The following SHANK2 variants were observed in gnomAD, a reference collection of about 807,000 sequenced individuals.
The protein encoded by SHANK2 is SH3 and multiple ankyrin repeat domains protein 2.
Under a neutral mutation model 133.7 loss-of-function variants are expected in SHANK2, and 43 were observed. The observed-to-expected ratio is 0.32, with a 90% CI of 0.25 to 0.41. The LOEUF is 0.41. Among genes scored for constraint, SHANK2 ranks in the 10% least tolerant of loss-of-function variants. The probability of loss-of-function intolerance (pLI) is 1.00; values close to 1 mark genes in which losing one functional copy is unlikely to be tolerated. For missense variants in SHANK2, 1,994 were observed against 2,235.8 expected, an observed-to-expected ratio of 0.89 and a Z score of 2.18; for synonymous variants, 1,017 against 952.8, an observed-to-expected ratio of 1.07 and a Z score of -1.24.
intron 17 of SHANK2, among the ~76,000 whole-genome samples, chr11:70,564,372 A>T (rs1380861835): frequency 6.6e-6 from 1 of 151,084 alleles, no homozygotes; most frequent in Non-Finnish European, 1.5e-5. Flanking sequence ...GATTCTCCTG[A>T]CTCAGTCTCC....
At chr11:70,529,347 A>G (rs775335906) in intron 17 of SHANK2, among the ~76,000 whole-genome samples, 43 of 152,220 alleles carry the variant, frequency 2.8e-4, no homozygotes, top group Non-Finnish European at 5.9e-4. Context: ...TGACTTGGCC[A>G]AGGCCACACA....
chr11:71,159,267 C>T (rs12418322), intron 2 of SHANK2, among the ~76,000 whole-genome samples: 40,273 of 152,124 alleles, frequency 0.26, 5,842 homozygotes, highest in South Asian at 0.36. Flanking sequence ...TACTCTGACA[C>T]TCATGGCCCC....
chr11:70,788,325 T>C (rs1947714056), intron 14 of SHANK2, among the ~76,000 whole-genome samples: 1 of 152,196 alleles, frequency 6.6e-6, no homozygotes, highest in Non-Finnish European at 1.5e-5. Flanking sequence ...TGGTTTCACT[T>C]TCTGAGGTTT....
intron 25 of SHANK2, among the ~76,000 whole-genome samples, chr11:70,482,227 G>A (rs1414639469): frequency 2.0e-5 from 3 of 152,230 alleles, no homozygotes; most frequent in Non-Finnish European, 4.4e-5. Context: ...GGAGCAAGAA[G>A]GGAACAGACA....
chr11:70,612,131 G>A (rs949804013), intron 17 of SHANK2, among the ~76,000 whole-genome samples: 3 of 152,182 alleles, frequency 2.0e-5, no homozygotes, highest in Non-Finnish European at 4.4e-5. Context: ...TCCTGCCTGG[G>A]AACCAGGGGT....
At chr11:70,720,409 G>C (rs1555028723) in intron 14 of SHANK2, among the ~76,000 whole-genome samples, 4 of 152,244 alleles carry the variant, frequency 2.6e-5, no homozygotes, top group Non-Finnish European at 5.9e-5. Context: ...TGGGTGATGG[G>C]ACTGGAGGAA....
intron 15 of SHANK2, among the ~76,000 whole-genome samples, chr11:70,686,508 T>G (rs1945158638): frequency 6.6e-6 from 1 of 152,054 alleles, no homozygotes; most frequent in Non-Finnish European, 1.5e-5. Flanking sequence ...ATCATCTGTC[T>G]ATCCATCCAT....
At chr11:71,096,182 T>C (rs1444519728) in intron 6 of SHANK2, among the ~76,000 whole-genome samples, 2 of 152,254 alleles carry the variant, frequency 1.3e-5, no homozygotes, top group African/African-American at 2.4e-5. Flanking sequence ...CATGAATGAA[T>C]GCCATTGCAC....
At chr11:71,071,833 A>AT (rs1951147164) in intron 9 of SHANK2, among the ~76,000 whole-genome samples, 6 of 152,084 alleles carry the variant, frequency 3.9e-5, no homozygotes, top group Non-Finnish European at 2.9e-5. Flanking sequence ...AGCCAACAGG[A>AT]TGGGAGCACT....
At chr11:70,824,843 C>T (rs1450624595) in intron 11 of SHANK2, among the ~76,000 whole-genome samples, 17 of 152,316 alleles carry the variant, frequency 1.1e-4, no homozygotes, top group African/African-American at 3.6e-4. Flanking sequence ...TTGCAAAGGG[C>T]TGATGAGCCC....
chr11:71,074,149 C>G (rs1451706680), intron 9 of SHANK2, among the ~76,000 whole-genome samples: 4 of 152,182 alleles, frequency 2.6e-5, no homozygotes, highest in African/African-American at 9.7e-5. Context: ...ACTGAGGCAG[C>G]AGGTGAGGAT....
At chr11:70,609,744 T>C (rs926483448) in intron 17 of SHANK2, among the ~76,000 whole-genome samples, 7 of 150,646 alleles carry the variant, frequency 4.6e-5, no homozygotes, top group African/African-American at 9.7e-5. Flanking sequence ...ATGTACTATA[T>C]TGCATATTGT....
chr11:71,105,009 T>C (rs1338553632), intron 6 of SHANK2, among the ~76,000 whole-genome samples: 1 of 152,210 alleles, frequency 6.6e-6, no homozygotes, highest in Admixed American at 6.5e-5. Flanking sequence ...TAGTTTGATC[T>C]GTACAAAAAC....
chr11:70,816,145 ACTGT>A (rs1948391192), intron 12 of SHANK2, among the ~76,000 whole-genome samples: 1 of 152,216 alleles, frequency 6.6e-6, no homozygotes, highest in Non-Finnish European at 1.5e-5. Flanking sequence ...AGAACCGAAG[ACTGT>A]CTATGAGCAG....
At chr11:70,747,407 T>C (rs1231676245) in intron 14 of SHANK2, among the ~76,000 whole-genome samples, 1 of 152,156 alleles carries the variant, frequency 6.6e-6, no homozygotes, top group African/African-American at 2.4e-5. Flanking sequence ...TTTCATGGCC[T>C]GACATTCTCA....
At chr11:71,172,478 T>G (rs10751032) in intron 2 of SHANK2, among the ~76,000 whole-genome samples, 140,859 of 151,464 alleles carry the variant, frequency 0.93, 65,954 homozygotes, top group Non-Finnish European at 0.98. Context: ...GGCACCTGTT[T>G]TCCCACCTAC....
At chr11:70,827,636 G>C (rs61885480) in intron 11 of SHANK2, among the ~76,000 whole-genome samples, 13 of 134,784 alleles carry the variant, frequency 9.6e-5, no homozygotes, top group Non-Finnish European at 1.6e-4. Context: ...GTGTGTGTGT[G>C]TGTTTTTTTT....
Position 71,197,007 on chromosome 11 carries a change from A to AAC in SHANK2, c.-13+27689_-13+27690insGT, listed in dbSNP as rs1220013237. ...AGTGAGACTCTGTCTCAAAAAAAAA[A>AAC]AAAAAAAAAAAACCCATCCCTGCTC... On this transcript the variant is annotated intron_variant, in intron 2 of 25. Transcript: ENST00000601538. Among the ~76,000 whole-genome samples, 6 of 150,852 alleles carry AAC rather than the reference A, an allele frequency of 4.0e-5. 1 individual carries two copies. Among genetic ancestry groups the AAC allele is most frequent in the African/African-American group, 1.5e-4 (6 of 40,728 alleles).
intron 1 of SHANK2, among the ~76,000 whole-genome samples, chr11:71,243,075 G>A (rs1467765252): frequency 6.6e-6 from 1 of 152,154 alleles, no homozygotes; most frequent in East Asian, 1.9e-4. Flanking sequence ...AGTACTTAAA[G>A]GAAATTCAGA....
Sources: allele counts gnomAD v4.1 joint callset (sites outside exome capture counted in the v4.1 genomes callset), GRCh38; gene constraint gnomAD v4.1.1; transcripts MANE v1.5; gene names NCBI Gene and HGNC (gene_info 2026-07-23, HGNC 2026-07-21).